The following TMA7B variants were observed in gnomAD, a reference collection of about 807,000 sequenced individuals.
The protein encoded by TMA7B is translation machinery associated 7 homolog B.
chr22:39,960,701 C>T, the TMA7B span: 1 of 153,866 alleles, frequency 6.5e-6, no homozygotes, highest in Middle Eastern at 3.2e-3. Context: ...CTTTGCCCAT[C>T]AGAGGAGTCA....
At chr22:39,961,086 C>T in the TMA7B span, among the ~76,000 whole-genome samples, 1 of 151,770 alleles carries the variant, frequency 6.6e-6, no homozygotes, top group Non-Finnish European at 1.5e-5. Flanking sequence ...GCTGGGGATA[C>T]AGGTGCACAC....
the TMA7B span, among the ~76,000 whole-genome samples, chr22:39,961,401 A>C: frequency 6.6e-6 from 1 of 152,194 alleles, no homozygotes; most frequent in African/African-American, 2.4e-5. Flanking sequence ...CAGCATGCCA[A>C]GGGGTGTCGT....
At chr22:39,964,495 G>T in the TMA7B span, 1 of 1,035,598 alleles carries the variant, frequency 9.7e-7, no homozygotes, top group Non-Finnish European at 1.5e-6. Flanking sequence ...GAAGAAACTC[G>T]AGGTGCTAAA....
the TMA7B span, chr22:39,964,509 G>A: frequency 1.1e-5 from 11 of 1,009,870 alleles, no homozygotes; most frequent in Middle Eastern, 3.0e-4. Context: ...TGCTAAAAGC[G>A]AAGGTCGTGG....
the TMA7B span, among the ~76,000 whole-genome samples, chr22:39,962,835 G>T: frequency 2.6e-5 from 4 of 152,098 alleles, no homozygotes; most frequent in African/African-American, 9.6e-5. Flanking sequence ...ATTTGTGTGT[G>T]TGTGGTTTTT....
At chr22:39,963,543 C>T in the TMA7B span, among the ~76,000 whole-genome samples, 1 of 152,112 alleles carries the variant, frequency 6.6e-6, no homozygotes, top group Non-Finnish European at 1.5e-5. Flanking sequence ...GTGGCCAAAA[C>T]CAAGGGGAAG....
At chr22:39,963,498 T>A in the TMA7B span, among the ~76,000 whole-genome samples, 1 of 152,194 alleles carries the variant, frequency 6.6e-6, no homozygotes, top group Non-Finnish European at 1.5e-5. Flanking sequence ...TTTGAGTTGA[T>A]CCATGTTGTC....
At chr22:39,964,443 C>T in the TMA7B span, 8 of 927,684 alleles carry the variant, frequency 8.6e-6, no homozygotes, top group African/African-American at 3.3e-5. Flanking sequence ...AGGAGATGGA[C>T]GAGGAAGAGA....
chr22:39,960,814 A>G, the TMA7B span: 1 of 152,256 alleles, frequency 6.6e-6, no homozygotes, highest in Non-Finnish European at 1.5e-5. Flanking sequence ...AAGACCCAAG[A>G]CCCAGGGAAA....
chr22:39,960,960 T>TC, the TMA7B span: 1 of 150,706 alleles, frequency 6.6e-6, no homozygotes, highest in East Asian at 1.9e-4. Context: ...CTTCTTTTTT[T>TC]TTTTTTTTTT....
chr22:39,964,715 T>TAAA, the TMA7B span: 17,822 of 305,548 alleles, frequency 0.058, 1,290 homozygotes, highest in African/African-American at 0.24. Context: ...TAAACTTTTG[T>TAAA]AAAAAAAAAA....
At chr22:39,963,376 G>A in the TMA7B span, among the ~76,000 whole-genome samples, 1 of 152,190 alleles carries the variant, frequency 6.6e-6, no homozygotes, top group African/African-American at 2.4e-5. Context: ...TACAGCTTAT[G>A]AGAGTAAAAG....
At chr22:39,964,058 C>T in the TMA7B span, 6 of 267,224 alleles carry the variant, frequency 2.2e-5, no homozygotes, top group Admixed American at 1.0e-4. Flanking sequence ...CTTTACTCTC[C>T]GAGACCCTTT....
the TMA7B span, among the ~76,000 whole-genome samples, chr22:39,961,527 G>T: frequency 2.0e-5 from 3 of 152,300 alleles, no homozygotes; most frequent in South Asian, 2.1e-4. Context: ...GGCCAGGAGT[G>T]GGGGAGGACT....
At chr22:39,962,445 A>T in the TMA7B span, among the ~76,000 whole-genome samples, 5 of 152,046 alleles carry the variant, frequency 3.3e-5, no homozygotes, top group African/African-American at 1.2e-4. Flanking sequence ...AATTATTTAC[A>T]TATATTATAT....
the TMA7B span, chr22:39,963,888 C>T: frequency 3.3e-5 from 5 of 153,374 alleles, no homozygotes; most frequent in South Asian, 2.0e-4. Context: ...TGGTGGCGGG[C>T]GCCTGTAGTC....
the TMA7B span, chr22:39,963,994 C>G: frequency 5.8e-6 from 1 of 171,036 alleles, no homozygotes; most frequent in Non-Finnish European, 1.2e-5. Context: ...CCAGCCTGGG[C>G]GACAGAGCGA....
the TMA7B span, among the ~76,000 whole-genome samples, chr22:39,961,719 T>C: frequency 6.6e-6 from 1 of 152,244 alleles, no homozygotes; most frequent in South Asian, 2.1e-4. Context: ...AATATAATGC[T>C]GTTAGCAGAT....
the TMA7B span, chr22:39,964,208 T>C: frequency 3.7e-6 from 2 of 545,472 alleles, no homozygotes; most frequent in Non-Finnish European, 6.4e-6. Context: ...AAACTGGATC[T>C]AATGGTAAAG....
Sources: allele counts gnomAD v4.1 joint callset (sites outside exome capture counted in the v4.1 genomes callset), GRCh38; gene constraint gnomAD v4.1.1; transcripts MANE v1.5; gene names NCBI Gene and HGNC (gene_info 2026-07-23, HGNC 2026-07-21).